The following PAM variants were observed in gnomAD, a reference collection of about 807,000 sequenced individuals.
PAM encodes the protein peptidyl-glycine alpha-amidating monooxygenase.
PAM carries 72 observed loss-of-function variants against 122.1 expected under a neutral mutation model. The ratio of observed to expected loss-of-function variants is 0.59; its 90% CI spans 0.49 to 0.72. The LOEUF (loss-of-function observed/expected upper bound fraction) is 0.72. Among genes scored for constraint, PAM ranks in the 30% least tolerant of loss-of-function variants. The pLI is 0.00. For synonymous variants in PAM, 389 were observed against 404.4 expected (o/e 0.96, Z 0.46); for missense variants, 1,106 against 1,183.7 (o/e 0.93, Z 0.96).
intron 3 of PAM, among the ~76,000 whole-genome samples, chr5:102,886,284 T>A (rs1444576596): frequency 1.3e-5 from 2 of 151,796 alleles, no homozygotes; most frequent in Non-Finnish European, 2.9e-5. Flanking sequence ...GAGAATGAGG[T>A]TTTTTTGCGA....
chr5:102,817,127 C>T (rs913964418), intron 1 of PAM, among the ~76,000 whole-genome samples: 1 of 152,106 alleles, frequency 6.6e-6, no homozygotes, highest in Non-Finnish European at 1.5e-5. Context: ...CTTTTTCCCT[C>T]ATTTACTGTG....
intron 1 of PAM, among the ~76,000 whole-genome samples, chr5:102,792,954 C>T (rs1762425419): frequency 6.6e-6 from 1 of 152,082 alleles, no homozygotes; most frequent in African/African-American, 2.4e-5. Flanking sequence ...TAGTGTTGAT[C>T]AAGTAACATT....
chr5:102,823,331 A>G (rs1353553918), intron 1 of PAM, among the ~76,000 whole-genome samples: 3 of 152,228 alleles, frequency 2.0e-5, no homozygotes, highest in South Asian at 2.1e-4. Flanking sequence ...ATAAGTTGCT[A>G]TAAAAATCTT....
chr5:102,759,023 A>G (rs189359284), intron 1 of PAM, among the ~76,000 whole-genome samples: 697 of 152,356 alleles, frequency 4.6e-3, no homozygotes, highest in Non-Finnish European at 8.4e-3. Context: ...ACTGACATAC[A>G]ATGGTATACA....
chr5:102,979,061 C>CAT (rs1491446364), intron 15 of PAM, among the ~76,000 whole-genome samples: 7 of 149,180 alleles, frequency 4.7e-5, no homozygotes, highest in African/African-American at 1.7e-4. Context: ...CACACACACA[C>CAT]GCACACACAC....
chr5:102,993,484 C>T (rs2150850619), intron 16 of PAM, among the ~76,000 whole-genome samples: 1 of 152,212 alleles, frequency 6.6e-6, no homozygotes, highest in African/African-American at 2.4e-5. Context: ...TTGCCCCTAA[C>T]TTATAGATGT....
intron 4 of PAM, among the ~76,000 whole-genome samples, chr5:102,913,159 G>A (rs534171889): frequency 1.3e-5 from 2 of 152,026 alleles, no homozygotes; most frequent in South Asian, 4.2e-4. Context: ...ATACTGGACA[G>A]CATTTTGATG....
In PAM at chr5:102,866,014, G is replaced by A. The variant is rs917108546; in HGVS notation, c.-182G>A. 4.4e-6 allele frequency: 2 copies of A among 457,550 alleles called. No individual in the cohort carries two copies. The highest frequency in any genetic ancestry group is 7.6e-6 in the Non-Finnish European group (2 of 264,282). The allele number at this position is 457,550 out of a possible 1,614,324, so 28.3% of individuals were successfully genotyped here. On this transcript the variant is annotated 5_prime_UTR_variant, in exon 2 of 26. Coordinates refer to ENST00000438793, the MANE Select transcript of PAM (RefSeq NM_001177306.2). ...GGCTTTTTGCCCGCCGCTCGTGACC[G>A]AGACGCCTCGCCGCGGCCAGCTCGC...
chr5:102,836,859 C>CGAGAGAGAGAGAGAGAGAGAGAGA lies in PAM; in HGVS notation c.-373-28948_-373-28925dup, dbSNP rs57617414. On this transcript the variant is annotated intron_variant, in intron 1 of 25. Coordinates refer to ENST00000438793, the MANE Select transcript of PAM (RefSeq NM_001177306.2). ...ATTATGGATGGACCAAGAAAGAAAC[C>CGAGAGAGAGAGAGAGAGAGAGAGA]GAGAGAGAGAGAGAGAGAGAGAGAG... Among the ~76,000 whole-genome samples, 99 of 120,818 alleles carry CGAGAGAGAGAGAGAGAGAGAGAGA rather than the reference C, an allele frequency of 8.2e-4. 5 individuals are homozygous for CGAGAGAGAGAGAGAGAGAGAGAGA. Among genetic ancestry groups the CGAGAGAGAGAGAGAGAGAGAGAGA allele is most frequent in the South Asian group, 8.0e-3 (24 of 3,002 alleles). 79.3% of individuals were successfully genotyped at this position (120,818 alleles called of 152,430 possible).
intron 1 of PAM, among the ~76,000 whole-genome samples, chr5:102,862,541 T>C (rs116625171): frequency 0.027 from 4,146 of 152,274 alleles, 199 homozygotes; most frequent in African/African-American, 0.093. Flanking sequence ...ATTTACAGTT[T>C]GGTAGTCATT....
At chr5:102,905,194 G>T (rs962264365) in intron 4 of PAM, among the ~76,000 whole-genome samples, 1 of 151,536 alleles carries the variant, frequency 6.6e-6, no homozygotes, top group Non-Finnish European at 1.5e-5. Flanking sequence ...TGTCTAAAAG[G>T]TGTTTTACAG....
chr5:102,946,707 A>G (rs1757156603), intron 7 of PAM, 130 bp from the exon 8 acceptor site: 1 of 645,314 alleles, frequency 1.5e-6, no homozygotes. Flanking sequence ...AGTAAATCAT[A>G]AAGAACCATA....
intron 1 of PAM, among the ~76,000 whole-genome samples, chr5:102,756,355 A>G (rs1750314284): frequency 6.6e-6 from 1 of 152,084 alleles, no homozygotes; most frequent in African/African-American, 2.4e-5. Context: ...GTCCCCACCA[A>G]TCCCTGTGTA....
At chr5:102,871,310 A>T (rs1478402224) in intron 3 of PAM, among the ~76,000 whole-genome samples, 2 of 152,156 alleles carry the variant, frequency 1.3e-5, no homozygotes, top group Non-Finnish European at 2.9e-5. Flanking sequence ...TACTAATATT[A>T]TTATTACTTG....
At chr5:102,963,836 CAT>C (rs200316390) in intron 14 of PAM, among the ~76,000 whole-genome samples, 13 of 150,482 alleles carry the variant, frequency 8.6e-5, no homozygotes, top group Admixed American at 6.0e-4. Context: ...TACACACATA[CAT>C]ATATATATTA....
intron 12 of PAM, among the ~76,000 whole-genome samples, chr5:102,957,070 T>C (rs2150171240): frequency 6.6e-6 from 1 of 152,280 alleles, no homozygotes; most frequent in East Asian, 1.9e-4. Flanking sequence ...GATGGACAGA[T>C]AGAAGGATAT....
At chr5:102,960,864 C>A (rs1300181436) in intron 13 of PAM, among the ~76,000 whole-genome samples, 1 of 148,368 alleles carries the variant, frequency 6.7e-6, no homozygotes, top group African/African-American at 2.5e-5. Flanking sequence ...TTTAAGAAAA[C>A]AAATATGAGT....
chr5:102,965,723 A>G (rs1405043904), intron 14 of PAM, among the ~76,000 whole-genome samples: 1 of 152,048 alleles, frequency 6.6e-6, no homozygotes, highest in African/African-American at 2.4e-5. Flanking sequence ...AGGCAGAGAG[A>G]ATATGACAAA....
At chr5:102,806,762 G>A (rs1319343319) in intron 1 of PAM, among the ~76,000 whole-genome samples, 1 of 152,136 alleles carries the variant, frequency 6.6e-6, no homozygotes, top group African/African-American at 2.4e-5. Context: ...GTATGTTTTT[G>A]TGAGGGCTGA....
Sources: gnomAD v4.1 joint callset for allele counts (sites outside exome capture counted in the v4.1 genomes callset) on GRCh38, gnomAD v4.1.1 for gene constraint, MANE v1.5 for transcripts, NCBI Gene and HGNC (gene_info 2026-07-23, HGNC 2026-07-21) for gene names.